NALF1: variants seen among roughly 807,000 people sequenced by gnomAD.
The protein encoded by NALF1 is family with sequence similarity 155 member A.
NALF1 carries 3 observed loss-of-function variants against 48.4 expected under a neutral mutation model. The observed-to-expected ratio is 0.06, with a 90% CI of 0.03 to 0.16. The LOEUF (loss-of-function observed/expected upper bound fraction) is 0.16. Ranked by LOEUF, NALF1 falls within the 10% of genes least tolerant of loss-of-function variation. The probability of loss-of-function intolerance (pLI) is 1.00; values close to 1 mark genes in which losing one functional copy is unlikely to be tolerated. For missense variants in NALF1, 526 were observed against 571.5 expected, an observed-to-expected ratio of 0.92 and a Z score of 0.81; for synonymous variants, 262 against 245.7, an observed-to-expected ratio of 1.07 and a Z score of -0.62.
chr13:107,235,670 C>G (rs1261976814), intron 1 of NALF1, among the ~76,000 whole-genome samples: 1 of 152,202 alleles, frequency 6.6e-6, no homozygotes, highest in Non-Finnish European at 1.5e-5. Flanking sequence ...AAAATACTTT[C>G]AATCTGTAGT....
rs752579719 is a variant in NALF1 at position 107,866,310 on chromosome 13, CGCT to C, written c.284_286del (p.Gln95del). 115 of 1,595,764 alleles carry C rather than the reference CGCT, an allele frequency of 7.2e-5. No individual in the cohort carries two copies. Among genetic ancestry groups the C allele is most frequent in the Middle Eastern group, 5.4e-4 (3 of 5,524 alleles). On this transcript the variant is annotated inframe_deletion, in exon 1 of 3. Transcript: ENST00000375915. This position sits in a 1 kb window ranked among gnomAD's most constrained non-coding sequence, Gnocchi z 4.4. The stretch of plus-strand genomic sequence containing the variant: ...GGGCCAGGAGGGCTCCTGCTGCCGC[CGCT>C]GCTGCTGCTGCTGCTGCCGCTGCCT...
chr13:107,434,906 G>A (rs1270433659), intron 1 of NALF1, among the ~76,000 whole-genome samples: 1 of 152,120 alleles, frequency 6.6e-6, no homozygotes, highest in Non-Finnish European at 1.5e-5. Flanking sequence ...CCCTGACGTG[G>A]CACAGTGACA....
At chr13:107,493,687 G>A (rs1875224263) in intron 1 of NALF1, among the ~76,000 whole-genome samples, 1 of 152,008 alleles carries the variant, frequency 6.6e-6, no homozygotes, top group African/African-American at 2.4e-5. Flanking sequence ...GACCAGCCTG[G>A]GCAACGTGGT....
At chr13:107,514,952 C>A (rs1186968280) in intron 1 of NALF1, among the ~76,000 whole-genome samples, 1 of 152,152 alleles carries the variant, frequency 6.6e-6, no homozygotes, top group African/African-American at 2.4e-5. Flanking sequence ...TCCTACAATT[C>A]CTATGCATAG....
rs1419768992 is a variant in NALF1, at chr13:107,866,191, C to T, written c.406G>A (p.Gly136Arg). ...SSSPTLPPSP[G>R]DGGGGGGKGN... is the part of the protein sequence containing the mutation. ...TTGCCGCCGCCGCCGCCGCCGTCTCCCGGGGAGGGGGGCAGGGTGGGGGAC... is the reference window on the plus strand; with the variant it reads ...TTGCCGCCGCCGCCGCCGCCGTCTCTCGGGGAGGGGGGCAGGGTGGGGGAC... Residue 136 changes from glycine to arginine, a missense_variant, in exon 1 of 3, where the codon GGA becomes AGA. By Grantham distance (125) the Gly-to-Arg change is moderately radical (BLOSUM62 -2). Coordinates refer to ENST00000375915, the MANE Select transcript of NALF1 (RefSeq NM_001080396.3). The surrounding 1 kb of genome is among the most constrained non-coding windows in gnomAD (Gnocchi z 4.4). The T allele has an allele frequency of 2.5e-6, 4 of 1,603,358 alleles. No homozygotes were observed. Among genetic ancestry groups the T allele is most frequent in the Non-Finnish European group, 3.4e-6 (4 of 1,175,424 alleles).
chr13:107,621,435 A>C (rs1879515094), intron 1 of NALF1, among the ~76,000 whole-genome samples: 1 of 152,160 alleles, frequency 6.6e-6, no homozygotes. Flanking sequence ...TGAACTCTTT[A>C]GCTAGGTTGG....
chr13:107,505,255 T>C (rs1566369406), intron 1 of NALF1, among the ~76,000 whole-genome samples: 1 of 152,144 alleles, frequency 6.6e-6, no homozygotes, highest in African/African-American at 2.4e-5. Context: ...TGGTGAGGAA[T>C]GCTGAAGGCC....
intron 1 of NALF1, among the ~76,000 whole-genome samples, chr13:107,572,341 G>A (rs975888997): frequency 6.6e-6 from 1 of 152,032 alleles, no homozygotes; most frequent in African/African-American, 2.4e-5. Context: ...CAAAGGGCAG[G>A]GGGATACTTA....
chr13:107,304,979 G>A (rs1380136064), intron 1 of NALF1, among the ~76,000 whole-genome samples: 1 of 152,146 alleles, frequency 6.6e-6, no homozygotes, highest in Non-Finnish European at 1.5e-5. Context: ...AACCAAATGA[G>A]GTTTTTCAGT....
chr13:107,632,418 AT>A (rs1879858561), intron 1 of NALF1, among the ~76,000 whole-genome samples: 2 of 151,930 alleles, frequency 1.3e-5, no homozygotes, highest in African/African-American at 4.8e-5. Flanking sequence ...AGCCTTTATA[AT>A]TTTTTTCCTA....
chr13:107,668,572 G>A (rs1308853490), intron 1 of NALF1, among the ~76,000 whole-genome samples: 1 of 152,030 alleles, frequency 6.6e-6, no homozygotes, highest in Non-Finnish European at 1.5e-5. Context: ...TTCAATATTT[G>A]CAATATTCAT....
intron 1 of NALF1, among the ~76,000 whole-genome samples, chr13:107,523,366 T>A (rs1876311842): frequency 6.6e-6 from 1 of 151,912 alleles, no homozygotes; most frequent in African/African-American, 2.4e-5. Context: ...AATAAGAAAT[T>A]TTTTTTAATT....
chr13:107,677,332 G>C lies in NALF1; in HGVS notation c.915+188350C>G, dbSNP rs9520548. Among the ~76,000 whole-genome samples, 953 of 152,182 alleles carry C rather than the reference G, an allele frequency of 6.3e-3. 11 individuals are homozygous for C. The highest frequency in any genetic ancestry group is 0.021 in the Middle Eastern group (6 of 292). ...GCTGGGATTACAGGCATGAGCCACC[G>C]TGCCCAGCCAATAGTACTTCTGAAG... On this transcript the variant is annotated intron_variant, in intron 1 of 2. Coordinates refer to ENST00000375915, the MANE Select transcript of NALF1 (RefSeq NM_001080396.3).
chr13:107,276,327 T>C (rs1005049211), intron 1 of NALF1, among the ~76,000 whole-genome samples: 76 of 152,184 alleles, frequency 5.0e-4, no homozygotes, highest in African/African-American at 1.7e-3. Context: ...AATCAGAAAA[T>C]TAAATTTTCT....
chr13:107,594,181 T>A (rs1878679983), intron 1 of NALF1, among the ~76,000 whole-genome samples: 2 of 151,988 alleles, frequency 1.3e-5, no homozygotes, highest in African/African-American at 4.8e-5. Context: ...CTACATAATC[T>A]CCAAATCCCA....
At position 107,391,902 on chromosome 13, in the gene NALF1, G is replaced by A. The variant is rs575960603; in HGVS notation, c.916-181147C>T. 2.0e-5 allele frequency among the ~76,000 whole-genome samples: 3 copies of A among 152,176 alleles called. No individual in the cohort carries two copies. The South Asian group carries it at 6.2e-4, about 32-fold the overall frequency. The stretch of plus-strand genomic sequence containing the variant: ...TGGGCACATGTTCTCTGGACCTCCT[G>A]AGGGCTGTGTCACAGGCCACGGTCA... On this transcript the variant is annotated intron_variant, in intron 1 of 2. Coordinates refer to ENST00000375915, the MANE Select transcript of NALF1 (RefSeq NM_001080396.3).
intron 1 of NALF1, among the ~76,000 whole-genome samples, chr13:107,805,450 G>A (rs376307278): frequency 1.3e-5 from 2 of 152,096 alleles, no homozygotes; most frequent in East Asian, 1.9e-4. Flanking sequence ...GGATGTCCAA[G>A]ATAATTTTAC....
intron 1 of NALF1, among the ~76,000 whole-genome samples, chr13:107,672,438 G>A (rs987654230): frequency 6.6e-5 from 10 of 152,046 alleles, no homozygotes; most frequent in South Asian, 2.1e-4. Flanking sequence ...CTGTAGACAC[G>A]GTGGTGAAAA....
intron 1 of NALF1, among the ~76,000 whole-genome samples, chr13:107,670,882 G>A (rs190113754): frequency 3.3e-5 from 5 of 152,234 alleles, no homozygotes; most frequent in Non-Finnish European, 7.4e-5. Flanking sequence ...TACACAGCCA[G>A]TCAAGACATT....
Sources: gnomAD v4.1 joint callset for allele counts (sites outside exome capture counted in the v4.1 genomes callset) on GRCh38, gnomAD v4.1.1 for gene constraint, Gnocchi (gnomAD v3.1) non-coding constraint, MANE v1.5 for transcripts, NCBI Gene and HGNC (gene_info 2026-07-23, HGNC 2026-07-21) for gene names.